The following IFNGR2 variants were observed in gnomAD, a reference collection of about 807,000 sequenced individuals.
The protein encoded by IFNGR2 is interferon gamma receptor 2, also known as IFN-gamma receptor 2.
In IFNGR2, 15 loss-of-function variants were observed where a neutral mutation model predicts 41.1. That is an observed-to-expected ratio of 0.37 (90% CI 0.24 to 0.56). The LOEUF (loss-of-function observed/expected upper bound fraction) is 0.56. Ranked by LOEUF, IFNGR2 falls within the 20% of genes least tolerant of loss-of-function variation. IFNGR2 has a pLI of 0.81. For synonymous variants in IFNGR2, 161 were observed against 171.6 expected (o/e 0.94, Z 0.48); for missense variants, 362 against 415.7 (o/e 0.87, Z 1.12).
At chr21:33,422,226 A>T (rs2083799357) in intron 3 of IFNGR2, among the ~76,000 whole-genome samples, 2 of 152,320 alleles carry the variant, frequency 1.3e-5, no homozygotes, top group South Asian at 4.1e-4. Context: ...GTGAACAAAT[A>T]TGTCCCCAGA....
intron 6 of IFNGR2, among the ~76,000 whole-genome samples, chr21:33,433,706 A>G (rs2083913621): frequency 6.6e-6 from 1 of 152,142 alleles, no homozygotes; most frequent in South Asian, 2.1e-4. Context: ...GCACAATGTG[A>G]ATGTGCTTGG....
intron 6 of IFNGR2, among the ~76,000 whole-genome samples, chr21:33,433,546 G>C (rs2083911475): frequency 6.6e-6 from 1 of 152,120 alleles, no homozygotes; most frequent in South Asian, 2.1e-4. Context: ...ACTTAAATGA[G>C]GTCCCCAGAG....
chr21:33,423,676 A>G (rs2083813563), intron 3 of IFNGR2, among the ~76,000 whole-genome samples: 2 of 152,080 alleles, frequency 1.3e-5, no homozygotes, highest in South Asian at 4.1e-4. Context: ...TGCTAGGATT[A>G]CAGGCGTGAG....
chr21:33,404,673 C>T (rs2083664861), intron 1 of IFNGR2, among the ~76,000 whole-genome samples: 2 of 152,112 alleles, frequency 1.3e-5, no homozygotes. Context: ...CAGCAATCCA[C>T]CCGCCTTGGC....
intron 4 of IFNGR2, among the ~76,000 whole-genome samples, chr21:33,431,062 G>C (rs2083881777): frequency 6.6e-6 from 1 of 152,212 alleles, no homozygotes; most frequent in African/African-American, 2.4e-5. Flanking sequence ...CAAGGCAGCA[G>C]AGGGATGCGC....
chr21:33,437,024 A>T lies in IFNGR2; in HGVS notation c.*62A>T, dbSNP rs1020129200. On this transcript the variant is annotated 3_prime_UTR_variant, in exon 7 of 7. Transcript: ENST00000290219. ...GAGATCAAGCCATCGGAGCTGCTAG[A>T]GTTCTGTCTGGACTTTCCAGAGACC... 1.9e-6 allele frequency: 3 copies of T among 1,582,762 alleles called. No individual in the cohort carries two copies. Among genetic ancestry groups the T allele is most frequent in the Non-Finnish European group, 2.6e-6 (3 of 1,153,292 alleles).
intron 2 of IFNGR2, among the ~76,000 whole-genome samples, chr21:33,420,373 A>G (rs1368159943): frequency 6.6e-6 from 1 of 152,058 alleles, no homozygotes; most frequent in African/African-American, 2.4e-5. Flanking sequence ...GAAGTCTGTC[A>G]CCTAAGGCAA....
chr21:33,403,552 G>T lies in IFNGR2; in HGVS notation c.9G>T (p.Pro3=). ...GCCGAGCGCCCGGGGCCATGCGACC[G>T]ACGCTGCTGTGGTCGCTGCTGCTGC... MR[P]TLLWSLLLLL... The change falls in exon 1 of 7, where the codon CCG becomes CCT. Residue 3 remains proline (P), a synonymous_variant. Coordinates refer to ENST00000290219, the MANE Select transcript of IFNGR2 (RefSeq NM_005534.4). The T allele has an allele frequency of 7.5e-7, 1 of 1,328,360 alleles. No individual in the cohort carries two copies. The highest frequency in any genetic ancestry group is 9.7e-7 in the Non-Finnish European group (1 of 1,032,784). The allele number at this position is 1,328,360 out of a possible 1,614,324, so 82.3% of individuals were successfully genotyped here. A position where few individuals can be genotyped will look rare whatever the true frequency, so the allele number is the denominator to read the frequency against.
intron 1 of IFNGR2, among the ~76,000 whole-genome samples, 161 bp from the exon 2 acceptor site, chr21:33,414,727 G>A (rs112287416): frequency 6.6e-6 from 1 of 152,244 alleles, no homozygotes; most frequent in African/African-American, 2.4e-5. Context: ...AAAGTCGGGG[G>A]TGTGGGGCCA....
intron 5 of IFNGR2, 41 bp from the exon 6 acceptor site, chr21:33,432,673 G>C: frequency 6.2e-7 from 1 of 1,605,610 alleles, no homozygotes; most frequent in South Asian, 1.1e-5. Context: ...TGTGTTGTGC[G>C]TAGGAAGATC....
intron 3 of IFNGR2, 100 bp from the exon 4 acceptor site, chr21:33,426,784 T>C: frequency 3.3e-6 from 2 of 606,368 alleles, no homozygotes; most frequent in Admixed American, 3.4e-5. Context: ...CCACTATATA[T>C]ATATATATAC....
chr21:33,432,556 C>A, intron 5 of IFNGR2, 158 bp from the exon 6 acceptor site: 2 of 901,616 alleles, frequency 2.2e-6, no homozygotes, highest in Non-Finnish European at 3.6e-6. Flanking sequence ...TTGACTTTAG[C>A]TATTAATGTA....
chr21:33,418,445 T>TC (rs1491356286), intron 2 of IFNGR2, among the ~76,000 whole-genome samples: 1 of 152,216 alleles, frequency 6.6e-6, no homozygotes, highest in Non-Finnish European at 1.5e-5. Flanking sequence ...GATTTCTTTT[T>TC]CTTTTTCAGT....
In IFNGR2 at chr21:33,437,401, G is replaced by A. The variant is rs2083967714; in HGVS notation, c.*439G>A. 5.7e-6 allele frequency: 1 copy of A among 176,494 alleles called. No individual in the cohort carries two copies. Among genetic ancestry groups the A allele is most frequent in the Non-Finnish European group, 1.2e-5 (1 of 82,354 alleles). 10.9% of individuals were successfully genotyped at this position (176,494 alleles called of 1,614,324 possible). On this transcript the variant is annotated 3_prime_UTR_variant, in exon 7 of 7. Transcript: ENST00000290219. ...CGAGGGACACCGAGTGGCCCTTCATGTACATCCATGGTGTGCTGGCTTAAA... is the reference window on the plus strand; with the variant it reads ...CGAGGGACACCGAGTGGCCCTTCATATACATCCATGGTGTGCTGGCTTAAA...
intron 6 of IFNGR2, among the ~76,000 whole-genome samples, chr21:33,433,609 AG>A (rs1049863950): frequency 2.6e-5 from 4 of 151,950 alleles, no homozygotes; most frequent in African/African-American, 9.7e-5. Context: ...TGGTGGAGGG[AG>A]GGAAGTGGGA....
At chr21:33,406,068 T>C (rs574599461) in intron 1 of IFNGR2, among the ~76,000 whole-genome samples, 3 of 150,840 alleles carry the variant, frequency 2.0e-5, no homozygotes, top group East Asian at 3.9e-4. Flanking sequence ...ACTGGCTCCA[T>C]TGATCCTTTG....
At chr21:33,403,673 G>A (rs1167063796) in intron 1 of IFNGR2, 57 bp downstream of exon 1, 2 of 1,203,822 alleles carry the variant, frequency 1.7e-6, no homozygotes, top group Non-Finnish European at 2.1e-6. Context: ...GCATGTGGGG[G>A]CTGGGGGACT....
chr21:33,419,446 T>C (rs916669902), intron 2 of IFNGR2, among the ~76,000 whole-genome samples: 7 of 147,012 alleles, frequency 4.8e-5, no homozygotes, highest in Admixed American at 2.1e-4. Context: ...AAATTCGTTC[T>C]CTTGTTTGAA....
At chr21:33,404,178 G>T (rs1349700975) in intron 1 of IFNGR2, among the ~76,000 whole-genome samples, 2 of 152,268 alleles carry the variant, frequency 1.3e-5, no homozygotes, top group African/African-American at 4.8e-5. Context: ...CCCGCCTGGA[G>T]TGCCTCCCGA....
Sources: gnomAD v4.1 joint callset for allele counts (sites outside exome capture counted in the v4.1 genomes callset) on GRCh38, gnomAD v4.1.1 for gene constraint, MANE v1.5 for transcripts, NCBI Gene and HGNC (gene_info 2026-07-23, HGNC 2026-07-21) for gene names.